The following NEK1 variants were observed in gnomAD, a reference collection of about 807,000 sequenced individuals.
The protein encoded by NEK1 is serine/threonine-protein kinase Nek1.
A neutral mutation model predicts 182.1 loss-of-function variants in NEK1; 137 were observed. The ratio of observed to expected loss-of-function variants is 0.75; its 90% CI spans 0.65 to 0.87. The LOEUF is 0.87. NEK1 is among the 40% of genes least tolerant of loss of function. The probability of loss-of-function intolerance (pLI) is 0.00; values close to 1 mark genes in which losing one functional copy is unlikely to be tolerated. For synonymous variants in NEK1, 513 were observed against 492.2 expected (o/e 1.04, Z -0.56); for missense variants, 1,391 against 1,494.4 (o/e 0.93, Z 1.14).
intron 2 of NEK1, among the ~76,000 whole-genome samples, chr4:169,611,795 T>C (rs1772364535): frequency 6.6e-6 from 1 of 152,252 alleles, no homozygotes; most frequent in South Asian, 2.1e-4. Context: ...CCTATTATTT[T>C]AATCCCATTA....
intron 18 of NEK1, among the ~76,000 whole-genome samples, chr4:169,552,263 T>C (rs1302425687): frequency 6.6e-6 from 1 of 151,336 alleles, no homozygotes; most frequent in Non-Finnish European, 1.5e-5. Context: ...TAGCAAAATA[T>C]AATAAAATAC....
chr4:169,438,595 A>G (rs1203109524), intron 27 of NEK1, among the ~76,000 whole-genome samples: 6 of 152,218 alleles, frequency 3.9e-5, no homozygotes, highest in Non-Finnish European at 7.4e-5. Context: ...TTGCTCTGAA[A>G]TTCTCCACAC....
Position 169,406,640 on chromosome 4 carries a change from A to G in NEK1, c.3330T>C (p.Ile1110=). ...GTCCTTCTTTAATGTTTTCATCTTCAATTTCATCTATTTCAAGATTGTCTT... is the reference window on the plus strand; with the variant it reads ...GTCCTTCTTTAATGTTTTCATCTTCGATTTCATCTATTTCAAGATTGTCTT... ...VRQDNLEIDE[I]EDENIKEGPS... Residue 1110 remains isoleucine (I), a synonymous_variant, in exon 32 of 36, where the codon ATT becomes ATC. Transcript: ENST00000507142. The G allele has an allele frequency of 1.9e-6, 3 of 1,607,804 alleles. No individual in the cohort carries two copies. The highest frequency in any genetic ancestry group is 2.5e-6 in the Non-Finnish European group (3 of 1,176,992).
At chr4:169,443,308 C>G (rs1739876970) in intron 27 of NEK1, among the ~76,000 whole-genome samples, 1 of 151,810 alleles carries the variant, frequency 6.6e-6, no homozygotes, top group Non-Finnish European at 1.5e-5. Context: ...GGTGACAGAG[C>G]CCTGTCTCAA....
At chr4:169,485,559 C>T (rs944209334) in intron 23 of NEK1, among the ~76,000 whole-genome samples, 10 of 151,964 alleles carry the variant, frequency 6.6e-5, no homozygotes, top group Non-Finnish European at 7.4e-5. Flanking sequence ...GCCTTTTATA[C>T]GGAAAGTTGA....
intron 29 of NEK1, among the ~76,000 whole-genome samples, chr4:169,427,135 T>A (rs1015139493): frequency 3.3e-5 from 5 of 152,298 alleles, no homozygotes; most frequent in African/African-American, 1.2e-4. Context: ...TAAATTTATT[T>A]ATTTATTTTG....
chr4:169,447,486 A>G (rs1371554391), intron 27 of NEK1, among the ~76,000 whole-genome samples: 1 of 152,222 alleles, frequency 6.6e-6, no homozygotes, highest in African/African-American at 2.4e-5. Context: ...ATTCACCAGT[A>G]ATAGTAAGTA....
At chr4:169,482,559 G>A (rs1166889578) in intron 23 of NEK1, among the ~76,000 whole-genome samples, 1 of 150,728 alleles carries the variant, frequency 6.6e-6, no homozygotes, top group Admixed American at 6.6e-5. Context: ...CAATTCTCGT[G>A]CCTCAGTCTC....
chr4:169,428,582 G>A (rs994015792), intron 29 of NEK1, among the ~76,000 whole-genome samples: 1 of 151,622 alleles, frequency 6.6e-6, no homozygotes, highest in African/African-American at 2.4e-5. Flanking sequence ...GGGAAAAAAC[G>A]GGGGATGATT....
intron 23 of NEK1, among the ~76,000 whole-genome samples, chr4:169,498,310 G>A (rs1402400822): frequency 6.6e-6 from 1 of 152,166 alleles, no homozygotes; most frequent in Non-Finnish European, 1.5e-5. Flanking sequence ...CTGCACATGA[G>A]ATGGGTTTCC....
At chr4:169,453,436 C>G (rs1742228045) in intron 27 of NEK1, among the ~76,000 whole-genome samples, 1 of 152,170 alleles carries the variant, frequency 6.6e-6, no homozygotes, top group Non-Finnish European at 1.5e-5. Flanking sequence ...GGTACAAGCC[C>G]CCCAAAATCT....
At chr4:169,491,525 GAAATA>G (rs991164057) in intron 23 of NEK1, among the ~76,000 whole-genome samples, 1 of 152,042 alleles carries the variant, frequency 6.6e-6, no homozygotes, top group Non-Finnish European at 1.5e-5. Flanking sequence ...CTGTTTTTCA[GAAATA>G]AAATAGAAGT....
chr4:169,561,198 T>C (rs1288472900), intron 16 of NEK1, among the ~76,000 whole-genome samples: 2 of 152,212 alleles, frequency 1.3e-5, no homozygotes, highest in Non-Finnish European at 1.5e-5. Context: ...GTGTCATGAA[T>C]TGTACATAAT....
chr4:169,476,506 G>A (rs1164531144), intron 26 of NEK1, among the ~76,000 whole-genome samples: 2 of 152,038 alleles, frequency 1.3e-5, no homozygotes, highest in Non-Finnish European at 2.9e-5. Flanking sequence ...ATGCTATCAA[G>A]TCTTTGGGCT....
At chr4:169,557,259 A>T (rs1762293392) in intron 16 of NEK1, among the ~76,000 whole-genome samples, 1 of 152,172 alleles carries the variant, frequency 6.6e-6, no homozygotes, top group Admixed American at 6.5e-5. Flanking sequence ...TCTCTGCAGG[A>T]ATGACAAAGG....
intron 32 of NEK1, among the ~76,000 whole-genome samples, chr4:169,405,059 A>C (rs781723315): frequency 1.3e-5 from 2 of 152,224 alleles, no homozygotes; most frequent in East Asian, 1.9e-4. Context: ...CAAGAGGTAG[A>C]TGTGGAGCTT....
intron 12 of NEK1, among the ~76,000 whole-genome samples, chr4:169,569,510 CCTCTCTTT>C (rs1764300531): frequency 1.4e-5 from 2 of 146,116 alleles, no homozygotes; most frequent in African/African-American, 5.2e-5. Flanking sequence ...TCTCCCTCTC[CCTCTCTTT>C]CCACAGTCTC....
At chr4:169,610,322 C>T (rs7682025) in intron 2 of NEK1, among the ~76,000 whole-genome samples, 41,758 of 150,380 alleles carry the variant, frequency 0.28, 8,151 homozygotes, top group African/African-American at 0.57. Flanking sequence ...TTCTTTTTTT[C>T]TTTTTTCTTT....
intron 12 of NEK1, among the ~76,000 whole-genome samples, chr4:169,574,053 G>A: frequency 6.6e-6 from 1 of 152,052 alleles, no homozygotes. Flanking sequence ...CAGCTACTCA[G>A]GAAGTTGAGG....
Sources: allele counts gnomAD v4.1 joint callset (sites outside exome capture counted in the v4.1 genomes callset), GRCh38; gene constraint gnomAD v4.1.1; transcripts MANE v1.5; gene names NCBI Gene and HGNC (gene_info 2026-07-23, HGNC 2026-07-21).